DYNLT5: variants seen among roughly 807,000 people sequenced by gnomAD.
DYNLT5 encodes the protein dynein light chain Tctex-type 5.
A neutral mutation model predicts 19.3 loss-of-function variants in DYNLT5; 25 were observed. That is an observed-to-expected ratio of 1.30 (90% CI 0.95 to 1.81). DYNLT5 has a LOEUF of 1.81. Among genes scored for constraint, DYNLT5 ranks in the 40% most tolerant of loss-of-function variants. The probability of loss-of-function intolerance (pLI) is 0.00; values close to 1 mark genes in which losing one functional copy is unlikely to be tolerated. For missense variants in DYNLT5, 232 were observed against 217.9 expected (o/e 1.06, Z -0.41); for synonymous variants, 82 against 68.9 (o/e 1.19, Z -0.94).
Position 66,770,474 on chromosome 1 carries a change from G to T in DYNLT5, c.207G>T (p.Gln69His). 3.1e-6 allele frequency: 5 copies of T among 1,610,636 alleles called. No individual in the cohort carries two copies. Among genetic ancestry groups the T allele is most frequent in the Non-Finnish European group, 4.2e-6 (5 of 1,177,108 alleles). ...CAGTTCAGATGGAAAACACCTATCAGTTGGGTGTGTTCTTTTATCTCTCAC... is the reference window on the plus strand; with the variant it reads ...CAGTTCAGATGGAAAACACCTATCATTTGGGTGTGTTCTTTTATCTCTCAC... Reference protein sequence around the residue: ...RLTVQMENTYQLGPPKHFPVV... With the variant: ...RLTVQMENTYHLGPPKHFPVV... The change falls in exon 3 of 5, where the codon CAG (glutamine) becomes CAT (histidine). Residue 69 changes from glutamine (Q) to histidine (H), a missense_variant. By Grantham distance (24) the Gln-to-His change is conservative. Transcript: ENST00000282670.
rs1572552056 is a variant in DYNLT5, at chr1:66,773,875, C to T, written c.212-2404C>T. 2.0e-5 allele frequency among the ~76,000 whole-genome samples: 3 copies of T among 152,082 alleles called. 1 individual carries two copies. Among genetic ancestry groups the T allele is most frequent in the South Asian group, 4.1e-4 (2 of 4,828 alleles). Reference sequence around the variant, plus strand: ...GAAAGAAGAAAAGCTTTGCCATTCACATCAGTTTACTCTGAAACTAGTTTT... The same window carrying T: ...GAAAGAAGAAAAGCTTTGCCATTCATATCAGTTTACTCTGAAACTAGTTTT... On this transcript the variant is annotated intron_variant, in intron 3 of 4. Coordinates refer to ENST00000282670, the MANE Select transcript of DYNLT5 (RefSeq NM_152665.3).
chr1:66,761,566 G>A (rs146378211), intron 2 of DYNLT5, among the ~76,000 whole-genome samples: 5 of 152,194 alleles, frequency 3.3e-5, no homozygotes, highest in South Asian at 2.1e-4. Context: ...AGAGGATCAC[G>A]GCAGCCAGGG....
At chr1:66,752,911 G>A (rs1380703085) in intron 1 of DYNLT5, among the ~76,000 whole-genome samples, 1 of 152,142 alleles carries the variant, frequency 6.6e-6, no homozygotes, top group East Asian at 1.9e-4. Context: ...TCCCAACTCT[G>A]GCCTTTCTTG....
Position 66,754,765 on chromosome 1 carries a change from G to C in DYNLT5, c.107G>C (p.Gly36Ala), listed in dbSNP as rs1313081098. 4.3e-6 allele frequency: 7 copies of C among 1,611,428 alleles called. No individual in the cohort carries two copies. The highest frequency in any genetic ancestry group is 5.9e-6 in the Non-Finnish European group (7 of 1,179,204). ...NHEFWRKEIH[G>A]RIKDSMSTVS... ...GAATTTTGGCGAAAGGAAATTCATGGGCGCATCAAAGAGTGAGTAACTGTC... is the reference window on the plus strand; with the variant it reads ...GAATTTTGGCGAAAGGAAATTCATGCGCGCATCAAAGAGTGAGTAACTGTC... The change falls in exon 2 of 5, where the codon GGG becomes GCG. Residue 36 changes from glycine (G) to alanine (A), a missense_variant. Gly to Ala is a moderately conservative substitution (Grantham distance 60). Coordinates refer to ENST00000282670, the MANE Select transcript of DYNLT5 (RefSeq NM_152665.3).
At chr1:66,752,886 A>C (rs565532235) in intron 1 of DYNLT5, among the ~76,000 whole-genome samples, 41 of 152,268 alleles carry the variant, frequency 2.7e-4, no homozygotes, top group African/African-American at 8.7e-4. Context: ...GGCCGCACCC[A>C]TGAGGACCTC....
intron 2 of DYNLT5, among the ~76,000 whole-genome samples, chr1:66,760,460 A>G (rs1488428538): frequency 2.0e-5 from 3 of 152,224 alleles, no homozygotes; most frequent in Non-Finnish European, 4.4e-5. Context: ...TCACAGGTCC[A>G]TGCATGTGTT....
chr1:66,754,749 C>A lies in DYNLT5; in HGVS notation c.91C>A (p.Arg31=). The change falls in exon 2 of 5, where the codon CGA becomes AGA. Residue 31 remains arginine (R), a synonymous_variant. Coordinates refer to ENST00000282670, the MANE Select transcript of DYNLT5 (RefSeq NM_152665.3). The stretch of plus-strand genomic sequence containing the variant: ...TTCTCTAAGTAATCATGAATTTTGG[C>A]GAAAGGAAATTCATGGGCGCATCAA... ...ISSLSNHEFW[R]KEIHGRIKDS... The A allele has an allele frequency of 6.2e-7, 1 of 1,611,152 alleles. No homozygotes were observed. The highest frequency in any genetic ancestry group is 8.5e-7 in the Non-Finnish European group (1 of 1,178,934).
chr1:66,774,073 C>A (rs1228032665), intron 3 of DYNLT5, among the ~76,000 whole-genome samples: 1 of 151,940 alleles, frequency 6.6e-6, no homozygotes, highest in Non-Finnish European at 1.5e-5. Context: ...ATGGAAAGGA[C>A]ATTGGTAGCA....
At chr1:66,753,647 T>C (rs72922037) in intron 1 of DYNLT5, among the ~76,000 whole-genome samples, 2,673 of 152,340 alleles carry the variant, frequency 0.018, 79 homozygotes, top group African/African-American at 0.062. Flanking sequence ...CCCCTAATTT[T>C]ATTTTTTAAA....
At chr1:66,758,526 A>C (rs565790968) in intron 2 of DYNLT5, among the ~76,000 whole-genome samples, 1 of 152,168 alleles carries the variant, frequency 6.6e-6, no homozygotes, top group African/African-American at 2.4e-5. Flanking sequence ...TTCTGTATGG[A>C]TCCCACAGCT....
intron 2 of DYNLT5, among the ~76,000 whole-genome samples, chr1:66,760,449 T>A (rs1367373991): frequency 2.6e-5 from 4 of 152,182 alleles, no homozygotes; most frequent in Non-Finnish European, 5.9e-5. Context: ...ACAAGTTAGG[T>A]TCACAGGTCC....
At chr1:66,770,592 A>G in intron 3 of DYNLT5, 114 bp downstream of exon 3, 2 of 855,382 alleles carry the variant, frequency 2.3e-6, no homozygotes, top group Non-Finnish European at 4.0e-6. Flanking sequence ...AATATAAGGG[A>G]CTTTAATGAA....
At position 66,777,434 on chromosome 1, in the gene DYNLT5, T is replaced by C. The variant is rs1279635117; in HGVS notation, c.520T>C (p.Tyr174His). Residue 174 changes from tyrosine to histidine, a missense_variant, in exon 5 of 5, where the codon TAT becomes CAT. Tyr to His is a moderately conservative substitution (Grantham distance 83). Coordinates refer to ENST00000282670, the MANE Select transcript of DYNLT5 (RefSeq NM_152665.3). ...TTCTCTCTTCGCTCTTGCAAATGTC[T>C]ATGCAGTTTACCTTGAGTGATTGAA... is the stretch of plus-strand genomic sequence containing the variant. ...NSSLFALANV[Y>H]AVYLE 1.2e-6 allele frequency: 2 copies of C among 1,613,522 alleles called. No homozygotes were observed. The highest frequency in any genetic ancestry group is 8.5e-7 in the Non-Finnish European group (1 of 1,179,766).
At position 66,777,473 on chromosome 1, in the gene DYNLT5, G is replaced by GCT; in HGVS notation, c.*22_*23dup. On this transcript the variant is annotated 3_prime_UTR_variant, in exon 5 of 5. Coordinates refer to ENST00000282670, the MANE Select transcript of DYNLT5 (RefSeq NM_152665.3). ...TGAGTGATTGAAAATAAGAAATCTA[G>GCT]CTCTTACTTTTGAAAATTCTGAGGC... 1 of 1,603,684 alleles carries GCT rather than the reference G, an allele frequency of 6.2e-7. No individual in the cohort carries two copies. The highest frequency in any genetic ancestry group is 1.1e-5 in the South Asian group (1 of 90,212).
chr1:66,754,286 T>C (rs2094632235), intron 1 of DYNLT5, among the ~76,000 whole-genome samples: 1 of 152,198 alleles, frequency 6.6e-6, no homozygotes, highest in South Asian at 2.1e-4. Context: ...AGCAAAGTTG[T>C]ATTATGGTTA....
intron 3 of DYNLT5, among the ~76,000 whole-genome samples, chr1:66,774,165 T>C (rs756467747): frequency 2.6e-5 from 4 of 152,146 alleles, no homozygotes; most frequent in African/African-American, 4.8e-5. Flanking sequence ...CACTTTCTTC[T>C]CTTTTGGTGG....
intron 2 of DYNLT5, among the ~76,000 whole-genome samples, chr1:66,758,299 T>C (rs112810243): frequency 2.0e-5 from 3 of 152,358 alleles, no homozygotes; most frequent in African/African-American, 7.2e-5. Flanking sequence ...TGGCAGACAC[T>C]GAACAGTGTT....
chr1:66,776,507 G>C, intron 4 of DYNLT5, 104 bp downstream of exon 4: 1 of 1,346,204 alleles, frequency 7.4e-7, no homozygotes, highest in Non-Finnish European at 1.0e-6. Context: ...TGCAGTAACA[G>C]TTAAAATGCG....
chr1:66,754,825 T>C (rs1169305118), intron 2 of DYNLT5, 48 bp downstream of exon 2: 1 of 1,559,436 alleles, frequency 6.4e-7, no homozygotes, highest in Admixed American at 1.9e-5. Context: ...ATAAATAGGT[T>C]CGTAATGTTT....
Sources: gnomAD v4.1 joint callset for allele counts (sites outside exome capture counted in the v4.1 genomes callset) on GRCh38, gnomAD v4.1.1 for gene constraint, MANE v1.5 for transcripts, NCBI Gene and HGNC (gene_info 2026-07-23, HGNC 2026-07-21) for gene names.